The following MAP7D2 variants were observed in gnomAD, a reference collection of about 807,000 sequenced individuals.
MAP7D2 encodes MAP7 domain-containing protein 2.
A neutral mutation model predicts 63.5 loss-of-function variants in MAP7D2; 33 were observed. That is an observed-to-expected ratio of 0.52 (90% CI 0.39 to 0.70). The LOEUF (loss-of-function observed/expected upper bound fraction) is 0.70, where lower values mean the gene tolerates loss of function less well. Among genes scored for constraint, MAP7D2 ranks in the 30% least tolerant of loss-of-function variants. The pLI is 0.00. For synonymous variants in MAP7D2, 224 were observed against 223.7 expected (o/e 1.00, Z -0.01); for missense variants, 626 against 604.0 (o/e 1.04, Z -0.38).
chrX:20,048,690 C>G (rs1379073478), intron 6 of MAP7D2, among the ~76,000 whole-genome samples: 1 of 110,139 alleles, frequency 9.1e-6, no homozygotes, highest in Admixed American at 9.7e-5. Flanking sequence ...CTTTGGGAGG[C>G]CAAAGTAGAT....
At position 20,024,985 on chromosome X, in the gene MAP7D2, C is replaced by A; in HGVS notation, c.1378G>T (p.Glu460Ter). 1 of 1,211,610 alleles carries A rather than the reference C, an allele frequency of 8.3e-7. No homozygotes were observed. The change falls in exon 10 of 17, where the codon GAG (glutamate) becomes TAG (stop). Residue 460 changes from glutamate (E) to a stop codon, truncating the protein, a stop_gained. Transcript: ENST00000379643. LOFTEE classifies it high-confidence loss of function. ...RQARLQKEQE[E>*]QERLEKEEQD... Reference sequence around the variant, plus strand: ...TCTTCCTTCTCCAGTCGTTCTTGCTCCTCCTGTTCCTTCTGCAGCCGGGCC... The same window carrying A: ...TCTTCCTTCTCCAGTCGTTCTTGCTACTCCTGTTCCTTCTGCAGCCGGGCC...
Position 20,037,152 on chromosome X carries a change from A to C in MAP7D2, c.1007+5350T>G, listed in dbSNP as rs766072654. ...TAAGGAGTACTGACTCACAACCACA[A>C]GGTGAAGTCCCACAATAGGCCATCT... On this transcript the variant is annotated intron_variant, in intron 8 of 16. Coordinates refer to ENST00000379643, the MANE Select transcript of MAP7D2 (RefSeq NM_001168465.2). 1.1e-4 allele frequency among the ~76,000 whole-genome samples: 12 copies of C among 110,698 alleles called. No homozygotes were observed. In the East Asian group the frequency reaches 3.4e-3, roughly 31 times the overall value.
chrX:20,113,255 T>G (rs1221113441), intron 1 of MAP7D2, among the ~76,000 whole-genome samples: 1 of 109,590 alleles, frequency 9.1e-6, no homozygotes, highest in Non-Finnish European at 1.9e-5. Flanking sequence ...TCTGAACACT[T>G]TTTTTTTTAA....
chrX:20,106,810 C>T (rs1285643106), intron 1 of MAP7D2, among the ~76,000 whole-genome samples: 1 of 110,593 alleles, frequency 9.0e-6, no homozygotes, highest in Admixed American at 9.6e-5. Context: ...AGACCTGTCT[C>T]TATTTAAAAA....
At chrX:20,069,472 G>C (rs2065443114) in intron 1 of MAP7D2, among the ~76,000 whole-genome samples, 1 of 110,845 alleles carries the variant, frequency 9.0e-6, no homozygotes, top group African/African-American at 3.3e-5. Flanking sequence ...GCCTCCTAAA[G>C]TGCTGAGATT....
chrX:20,052,148 A>G (rs2064967427), intron 5 of MAP7D2, among the ~76,000 whole-genome samples: 1 of 112,526 alleles, frequency 8.9e-6, no homozygotes, highest in Admixed American at 9.4e-5. Flanking sequence ...CTGGCACCTG[A>G]TACTTCTTCA....
At chrX:20,023,674 C>A (rs751059501) in intron 10 of MAP7D2, among the ~76,000 whole-genome samples, 1 of 111,615 alleles carries the variant, frequency 9.0e-6, no homozygotes, top group Non-Finnish European at 1.9e-5. Context: ...CTTTAGCACA[C>A]GACTACGATC....
At chrX:20,026,368 T>G (rs892128761) in intron 8 of MAP7D2, among the ~76,000 whole-genome samples, 2 of 111,570 alleles carry the variant, frequency 1.8e-5, no homozygotes, top group African/African-American at 6.5e-5. Flanking sequence ...TTTACCATTT[T>G]AACCATTTTT....
Position 20,042,307 on chromosome X carries a change from T to C in MAP7D2, c.1007+195A>G, listed in dbSNP as rs139010193. 3.1e-4 allele frequency among the ~76,000 whole-genome samples: 35 copies of C among 111,550 alleles called. No homozygotes were observed. The East Asian group carries it at 6.2e-3, about 20-fold the overall frequency. ...AGCCCTGTTACGCACTGGGGTCCCT[T>C]AGCAAAGGATCTTTCACCCAGAAGA... On this transcript the variant is annotated intron_variant, in intron 8 of 16. Transcript: ENST00000379643.
chrX:20,108,338 G>A (rs760963022), intron 1 of MAP7D2, among the ~76,000 whole-genome samples: 48 of 109,450 alleles, frequency 4.4e-4, no homozygotes, highest in African/African-American at 1.5e-3. Context: ...TGGTTCAAGC[G>A]ATTCTCGTGC....
At chrX:20,066,001 C>T (rs765116125) in intron 1 of MAP7D2, among the ~76,000 whole-genome samples, 65 of 107,869 alleles carry the variant, frequency 6.0e-4, no homozygotes, top group African/African-American at 2.0e-3. Flanking sequence ...CGGCTCACTG[C>T]AAGCTCCGCT....
chrX:20,068,996 CCCAGCCATTTGGAACTCTAAGT>C (rs1462524721), intron 1 of MAP7D2, among the ~76,000 whole-genome samples: 1 of 111,836 alleles, frequency 8.9e-6, no homozygotes, highest in Non-Finnish European at 1.9e-5. Context: ...CTGAGGCCTC[CCCAGCCATTTGGAACTCTAAGT>C]CCAATTAAAC....
chrX:20,045,191 G>T (rs1165690920), intron 6 of MAP7D2, among the ~76,000 whole-genome samples: 2 of 110,875 alleles, frequency 1.8e-5, no homozygotes, highest in African/African-American at 6.6e-5. Context: ...AAGACTCTTG[G>T]AAATCCACAC....
In MAP7D2 at chrX:20,015,978, A is replaced by G. The variant is rs1008724091; in HGVS notation, c.1644+116T>C. 1.2e-5 allele frequency: 8 copies of G among 663,593 alleles called. No individual in the cohort carries two copies. The Admixed American group carries it at 2.4e-4, about 20-fold the overall frequency. The allele number at this position is 663,593 out of a possible 1,213,427, so 54.7% of individuals were successfully genotyped here. A position where few individuals can be genotyped will look rare whatever the true frequency, so the allele number is the denominator to read the frequency against. On this transcript the variant is annotated intron_variant, in intron 11 of 16. Coordinates refer to ENST00000379643, the MANE Select transcript of MAP7D2 (RefSeq NM_001168465.2). ...AACTTATATTTAATAACCAGCCCAG[A>G]CAGTTTAAGAAGAAACTTCAAGTAA... is the stretch of plus-strand genomic sequence containing the variant.
intron 1 of MAP7D2, among the ~76,000 whole-genome samples, chrX:20,101,542 C>T (rs1844091280): frequency 8.9e-6 from 1 of 112,285 alleles, no homozygotes; most frequent in Non-Finnish European, 1.9e-5. Flanking sequence ...TCCCATTCCA[C>T]TTCTAGGTAT....
chrX:20,025,274 G>T (rs1004744841), intron 9 of MAP7D2, among the ~76,000 whole-genome samples, 191 bp from the exon 10 acceptor site: 6 of 112,236 alleles, frequency 5.3e-5, no homozygotes, highest in African/African-American at 1.9e-4. Flanking sequence ...AACCCTGGAC[G>T]CATTTTACAG....
At chrX:20,020,119 A>C (rs2073583824) in intron 10 of MAP7D2, among the ~76,000 whole-genome samples, 1 of 111,618 alleles carries the variant, frequency 9.0e-6, no homozygotes, top group East Asian at 2.8e-4. Context: ...TGAGCTTCTT[A>C]AACTCTCCTC....
chrX:20,011,769 C>A (rs185133928), intron 15 of MAP7D2, among the ~76,000 whole-genome samples: 1 of 112,573 alleles, frequency 8.9e-6, no homozygotes, highest in Admixed American at 9.4e-5. Context: ...TCCAGCCCAG[C>A]CAAGGCTGGT....
intron 6 of MAP7D2, among the ~76,000 whole-genome samples, chrX:20,045,869 A>G (rs988379121): frequency 8.9e-6 from 1 of 111,740 alleles, no homozygotes; most frequent in African/African-American, 3.3e-5. Flanking sequence ...CAGCTCCAAG[A>G]GAGTTGGCTT....
Sources: gnomAD v4.1 joint callset for allele counts (sites outside exome capture counted in the v4.1 genomes callset) on GRCh38, gnomAD v4.1.1 for gene constraint, MANE v1.5 for transcripts, NCBI Gene and HGNC (gene_info 2026-07-23, HGNC 2026-07-21) for gene names.